The following MALRD1 variants were observed in gnomAD, a reference collection of about 807,000 sequenced individuals.
MALRD1 encodes MAM and LDL-receptor class A domain-containing protein 1.
A neutral mutation model predicts 242.1 loss-of-function variants in MALRD1; 247 were observed. The ratio of observed to expected loss-of-function variants is 1.02; its 90% CI spans 0.92 to 1.13. The LOEUF (loss-of-function observed/expected upper bound fraction) is 1.13. Ranked by LOEUF, MALRD1 falls within the 50% of genes most tolerant of loss-of-function variation. The pLI, the probability that MALRD1 is intolerant of heterozygous loss-of-function variation, is 0.00. For missense variants in MALRD1, 2,989 were observed against 2,533.1 expected (o/e 1.18, Z -3.86); for synonymous variants, 995 against 866.6 (o/e 1.15, Z -2.60).
chr10:19,464,735 A>G (rs1836133398), intron 29 of MALRD1, among the ~76,000 whole-genome samples: 2 of 152,046 alleles, frequency 1.3e-5, no homozygotes, highest in African/African-American at 2.4e-5. Flanking sequence ...TGTTTTCTCT[A>G]GTTCTGTGAA....
chr10:19,162,551 T>C (rs2884431), intron 12 of MALRD1, among the ~76,000 whole-genome samples: 26,284 of 152,132 alleles, frequency 0.17, 2,856 homozygotes, highest in Admixed American at 0.25. Flanking sequence ...TATGTGAAGT[T>C]ACAGCTTGTA....
At chr10:19,083,021 G>C (rs1835543654) in intron 2 of MALRD1, among the ~76,000 whole-genome samples, 1 of 151,928 alleles carries the variant, frequency 6.6e-6, no homozygotes, top group Admixed American at 6.6e-5. Flanking sequence ...ATGGTGGAAG[G>C]GGCAAAGCAA....
chr10:19,112,528 A>C (rs1836713658), intron 5 of MALRD1, among the ~76,000 whole-genome samples: 1 of 152,144 alleles, frequency 6.6e-6, no homozygotes, highest in Admixed American at 6.5e-5. Context: ...GTCGGGGACC[A>C]AGGAATTTAT....
At chr10:19,602,532 T>A (rs1418244727) in intron 34 of MALRD1, among the ~76,000 whole-genome samples, 1 of 152,036 alleles carries the variant, frequency 6.6e-6, no homozygotes, top group Non-Finnish European at 1.5e-5. Flanking sequence ...AACTCATCAT[T>A]TTTTACGGCT....
intron 29 of MALRD1, among the ~76,000 whole-genome samples, chr10:19,478,244 G>A (rs745606219): frequency 1.3e-5 from 2 of 152,170 alleles, no homozygotes; most frequent in Non-Finnish European, 2.9e-5. Context: ...CTAAGCAAAA[G>A]CTATCTGAAC....
intron 19 of MALRD1, among the ~76,000 whole-genome samples, chr10:19,258,984 A>T (rs1839636653): frequency 6.6e-6 from 1 of 152,016 alleles, no homozygotes; most frequent in Non-Finnish European, 1.5e-5. Context: ...CATTGCCCTC[A>T]CCACTTTCCC....
intron 18 of MALRD1, among the ~76,000 whole-genome samples, chr10:19,252,467 A>G (rs958720634): frequency 6.6e-6 from 1 of 152,104 alleles, no homozygotes; most frequent in African/African-American, 2.4e-5. Context: ...AGCAAGCTAT[A>G]AGCCAGACAT....
chr10:19,204,935 C>T lies in MALRD1; in HGVS notation c.2248C>T (p.Leu750=). Residue 750 remains leucine (L), a synonymous_variant, in exon 17 of 40, where the codon CTG becomes TTG. Coordinates refer to ENST00000454679, the MANE Select transcript of MALRD1 (RefSeq NM_001142308.3). ...TGGCCTGTCAGTGGGAGCAGCTGAGCTGCAGCTACATATGGAAAATTCTCA... is the reference window on the plus strand; with the variant it reads ...TGGCCTGTCAGTGGGAGCAGCTGAGTTGCAGCTACATATGGAAAATTCTCA... ...NYGLSVGAAE[L]QLHMENSHDS... The T allele has an allele frequency of 6.5e-7, 1 of 1,550,092 alleles. No homozygotes were observed. Among genetic ancestry groups the T allele is most frequent in the Non-Finnish European group, 8.7e-7 (1 of 1,146,586 alleles).
intron 26 of MALRD1, among the ~76,000 whole-genome samples, chr10:19,383,227 T>A (rs7100585): frequency 4.6e-5 from 7 of 151,936 alleles, no homozygotes; most frequent in Admixed American, 2.0e-4. Flanking sequence ...AAGTAAGCCC[T>A]GGTGTCTGTT....
At chr10:19,248,150 A>G (rs1288571187) in intron 18 of MALRD1, among the ~76,000 whole-genome samples, 4 of 152,088 alleles carry the variant, frequency 2.6e-5, no homozygotes, top group Non-Finnish European at 5.9e-5. Flanking sequence ...GGTTGTTTAC[A>G]TACTAAGGTT....
At chr10:19,143,210 A>C (rs573117211) in intron 10 of MALRD1, among the ~76,000 whole-genome samples, 1 of 152,248 alleles carries the variant, frequency 6.6e-6, no homozygotes, top group Non-Finnish European at 1.5e-5. Context: ...CCTAAAGCCA[A>C]ATTTCAACAT....
chr10:19,549,608 T>C (rs1835394476), intron 32 of MALRD1, among the ~76,000 whole-genome samples: 1 of 152,226 alleles, frequency 6.6e-6, no homozygotes, highest in South Asian at 2.1e-4. Flanking sequence ...GGCATAATGC[T>C]GTTGCACACT....
intron 13 of MALRD1, among the ~76,000 whole-genome samples, chr10:19,171,335 C>A (rs1323613022): frequency 1.3e-5 from 2 of 150,392 alleles, no homozygotes; most frequent in African/African-American, 2.4e-5. Context: ...TGAAACAGCT[C>A]TTCTGAGTGA....
intron 25 of MALRD1, 37 bp from the exon 26 acceptor site, chr10:19,351,969 A>C: frequency 6.9e-7 from 1 of 1,440,334 alleles, no homozygotes; most frequent in Non-Finnish European, 9.5e-7. Flanking sequence ...AATTATACTA[A>C]TCATATCGTA....
chr10:19,176,822 G>GCGTA (rs140446090), intron 14 of MALRD1, among the ~76,000 whole-genome samples: 45,482 of 150,826 alleles, frequency 0.3, 7,089 homozygotes, highest in Admixed American at 0.37. Flanking sequence ...CTGTGTGTCT[G>GCGTA]TGTGTGTGTG....
chr10:19,543,471 A>G (rs1835075780), intron 32 of MALRD1, among the ~76,000 whole-genome samples: 2 of 136,082 alleles, frequency 1.5e-5, no homozygotes, highest in South Asian at 4.5e-4. Context: ...ATGGGGTCTC[A>G]CTGTGTTTCC....
intron 36 of MALRD1, among the ~76,000 whole-genome samples, chr10:19,617,722 A>G (rs757282194): frequency 4.6e-5 from 7 of 151,960 alleles, no homozygotes; most frequent in Non-Finnish European, 8.8e-5. Context: ...ACATACACAC[A>G]CAATTTTAAA....
At chr10:19,682,818 C>T (rs1051488764) in intron 36 of MALRD1, among the ~76,000 whole-genome samples, 1 of 152,194 alleles carries the variant, frequency 6.6e-6, no homozygotes, top group African/African-American at 2.4e-5. Flanking sequence ...TGAGCTGCAG[C>T]TTTCAAGTTA....
At chr10:19,222,730 A>C (rs1192720128) in intron 18 of MALRD1, among the ~76,000 whole-genome samples, 1 of 152,166 alleles carries the variant, frequency 6.6e-6, no homozygotes. Context: ...GCAACATTTT[A>C]GATTTGTCTT....
Sources: gnomAD v4.1 joint callset for allele counts (sites outside exome capture counted in the v4.1 genomes callset) on GRCh38, gnomAD v4.1.1 for gene constraint, MANE v1.5 for transcripts, NCBI Gene and HGNC (gene_info 2026-07-23, HGNC 2026-07-21) for gene names.